The following NBAS variants were observed in gnomAD, a reference collection of about 807,000 sequenced individuals.
NBAS encodes the protein NBAS subunit of NRZ tethering complex.
Under a neutral mutation model 302.5 loss-of-function variants are expected in NBAS, and 219 were observed. That is an observed-to-expected ratio of 0.72 (90% CI 0.65 to 0.81). NBAS has a LOEUF of 0.81. Ranked by LOEUF, NBAS falls within the 30% of genes least tolerant of loss-of-function variation. The pLI is 0.00. For missense variants in NBAS, 2,932 were observed against 2,841.6 expected (o/e 1.03, Z -0.72); for synonymous variants, 1,118 against 1,021.6 (o/e 1.09, Z -1.80).
intron 41 of NBAS, 64 bp downstream of exon 41, chr2:15,292,473 G>C: frequency 6.6e-7 from 1 of 1,520,026 alleles, no homozygotes; most frequent in Non-Finnish European, 9.1e-7. Flanking sequence ...AATAGTCCTG[G>C]TAACTGAACT....
the NBAS span, among the ~76,000 whole-genome samples, chr2:14,982,717 C>T: frequency 6.6e-6 from 1 of 151,932 alleles, no homozygotes; most frequent in African/African-American, 2.4e-5. Context: ...AAAAACAAGG[C>T]AAGTATTTGC....
the NBAS span, among the ~76,000 whole-genome samples, chr2:14,807,912 GTC>G: frequency 2.0e-5 from 3 of 150,852 alleles, no homozygotes; most frequent in African/African-American, 2.4e-5. Context: ...ATCCCTCTCT[GTC>G]TCTCTCTCTC....
At position 15,461,609 on chromosome 2, in the gene NBAS, A is replaced by G. The variant is rs1679509438; in HGVS notation, c.2202+78T>C. 5.5e-6 allele frequency: 5 copies of G among 915,954 alleles called. No homozygotes were observed. In the South Asian group the frequency reaches 7.7e-5, roughly 14 times the overall value. 56.7% of individuals were successfully genotyped at this position (915,954 alleles called of 1,614,324 possible). A position where few individuals can be genotyped will look rare whatever the true frequency, so the allele number is the denominator to read the frequency against. ...AAAAGAAAATGTAATATATGCACAC[A>G]ATAACATTAACTGCACAGCTCAAAG... On this transcript the variant is annotated intron_variant, in intron 20 of 51. Coordinates refer to ENST00000281513, the MANE Select transcript of NBAS (RefSeq NM_015909.4).
the NBAS span, among the ~76,000 whole-genome samples, chr2:14,928,471 A>T: frequency 1.3e-5 from 2 of 152,202 alleles, no homozygotes; most frequent in African/African-American, 4.8e-5. Context: ...AGAAAAAATA[A>T]TTTTTGTATA....
At chr2:15,031,474 C>T in the NBAS span, among the ~76,000 whole-genome samples, 1 of 152,164 alleles carries the variant, frequency 6.6e-6, no homozygotes, top group African/African-American at 2.4e-5. Context: ...CAACTAATCC[C>T]ATGGTCCACA....
the NBAS span, among the ~76,000 whole-genome samples, chr2:14,897,962 A>G: frequency 6.6e-6 from 1 of 152,124 alleles, no homozygotes; most frequent in Non-Finnish European, 1.5e-5. Context: ...GCTGGGCCAG[A>G]GTGAGGTGGG....
the NBAS span, among the ~76,000 whole-genome samples, chr2:15,078,263 C>T: frequency 6.6e-6 from 1 of 152,052 alleles, no homozygotes; most frequent in African/African-American, 2.4e-5. Context: ...TGTCAGTTTC[C>T]CTATGGTGGC....
the NBAS span, among the ~76,000 whole-genome samples, chr2:14,837,630 T>C: frequency 6.6e-6 from 1 of 151,824 alleles, no homozygotes; most frequent in South Asian, 2.1e-4. Context: ...TTTATTCTTG[T>C]GACAGCTTGG....
chr2:15,266,931 A>G (rs1440956190), intron 44 of NBAS, among the ~76,000 whole-genome samples: 1 of 152,206 alleles, frequency 6.6e-6, no homozygotes, highest in Non-Finnish European at 1.5e-5. Flanking sequence ...TCTTTTAAAA[A>G]ACTATTTTGA....
the NBAS span, among the ~76,000 whole-genome samples, chr2:14,793,759 C>A: frequency 6.6e-6 from 1 of 151,920 alleles, no homozygotes; most frequent in South Asian, 2.1e-4. Context: ...AAATCTATAC[C>A]AAAATATAAT....
the NBAS span, among the ~76,000 whole-genome samples, chr2:15,092,515 G>T: frequency 1.3e-5 from 2 of 152,094 alleles, no homozygotes; most frequent in African/African-American, 4.8e-5. Flanking sequence ...TCTGAATTTT[G>T]CACTCCTCCC....
chr2:15,203,858 G>C (rs141527836), intron 48 of NBAS, among the ~76,000 whole-genome samples: 6,215 of 138,268 alleles, frequency 0.045, 180 homozygotes, highest in Non-Finnish European at 0.062. Context: ...GTCTGTGTGT[G>C]TGTGTCTGTG....
In NBAS at chr2:15,167,106, G is replaced by A. The variant is rs1286956472; in HGVS notation, c.7058C>T (p.Thr2353Ile). ...AGSLLLAVRGTHQAFRTFSTA... is the reference protein window; with the variant it reads ...AGSLLLAVRGIHQAFRTFSTA... Reference sequence around the variant, plus strand: ...ACTGAAGGTTCTGAAGGCCTGGTGAGTCCCCCTCACGGCCAGAAGGAGAGA... The same window carrying A: ...ACTGAAGGTTCTGAAGGCCTGGTGAATCCCCCTCACGGCCAGAAGGAGAGA... Residue 2353 changes from threonine to isoleucine, a missense_variant, in exon 52 of 52, where the codon ACT (threonine) becomes ATT (isoleucine). Thr to Ile is a moderately conservative substitution (Grantham distance 89). Transcript: ENST00000281513. The A allele has an allele frequency of 1.3e-5, 21 of 1,613,478 alleles. No homozygotes were observed. The highest frequency in any genetic ancestry group is 1.7e-5 in the Non-Finnish European group (20 of 1,179,652).
chr2:15,496,923 A>C (rs1681093719), intron 11 of NBAS, among the ~76,000 whole-genome samples: 1 of 152,200 alleles, frequency 6.6e-6, no homozygotes, highest in South Asian at 2.1e-4. Context: ...TAACAATAGG[A>C]ACTGTATTTA....
the NBAS span, among the ~76,000 whole-genome samples, chr2:14,917,863 A>T: frequency 6.6e-6 from 1 of 152,178 alleles, no homozygotes; most frequent in Non-Finnish European, 1.5e-5. Context: ...TGGAGCTGGA[A>T]AGTTCACATT....
At chr2:15,382,215 G>A (rs1046151646) in intron 29 of NBAS, among the ~76,000 whole-genome samples, 7 of 152,012 alleles carry the variant, frequency 4.6e-5, no homozygotes, top group African/African-American at 7.2e-5. Flanking sequence ...ACGCGTGCAC[G>A]CACACACCCA....
At chr2:14,800,785 G>GTTTTTTTT in the NBAS span, among the ~76,000 whole-genome samples, 16 of 129,506 alleles carry the variant, frequency 1.2e-4, no homozygotes, top group African/African-American at 2.6e-4. Flanking sequence ...GATTTAAATT[G>GTTTTTTTT]TTTTTGTTTT....
chr2:15,022,935 GTTTTT>G, the NBAS span, among the ~76,000 whole-genome samples: 1 of 150,142 alleles, frequency 6.7e-6, no homozygotes, highest in South Asian at 2.1e-4. Flanking sequence ...TTCCTATTTA[GTTTTT>G]TTTTATTTTT....
At chr2:15,347,248 T>C (rs976978445) in intron 35 of NBAS, among the ~76,000 whole-genome samples, 6 of 152,206 alleles carry the variant, frequency 3.9e-5, no homozygotes, top group Non-Finnish European at 7.4e-5. Context: ...AACAAAAAGT[T>C]TGGCAGTTTC....
Sources: gnomAD v4.1 joint callset for allele counts (sites outside exome capture counted in the v4.1 genomes callset) on GRCh38, gnomAD v4.1.1 for gene constraint, MANE v1.5 for transcripts, NCBI Gene and HGNC (gene_info 2026-07-23, HGNC 2026-07-21) for gene names.